CHD2: variants seen among roughly 807,000 people sequenced by gnomAD.
CHD2 encodes chromodomain helicase DNA binding protein 2, also known as ATP-dependent chromatin remodeler CHD2.
CHD2 carries 28 observed loss-of-function variants against 243.9 expected under a neutral mutation model. The ratio of observed to expected loss-of-function variants is 0.11; its 90% confidence interval spans 0.09 to 0.16. The LOEUF (loss-of-function observed/expected upper bound fraction) is 0.16. Among genes scored for constraint, CHD2 ranks in the 10% least tolerant of loss-of-function variants. The probability of loss-of-function intolerance (pLI) is 1.00; values close to 1 mark genes in which losing one functional copy is unlikely to be tolerated. For synonymous variants in CHD2, 775 were observed against 779.0 expected, an observed-to-expected ratio of 0.99 and a Z score of 0.09; for missense variants, 1,386 against 2,209.8, an observed-to-expected ratio of 0.63 and a Z score of 7.47.
chr15:92,951,615 A>C (rs2053555536), intron 13 of CHD2, among the ~76,000 whole-genome samples: 1 of 152,170 alleles, frequency 6.6e-6, no homozygotes, highest in South Asian at 2.1e-4. Flanking sequence ...ATCAATTCAA[A>C]CCTACTGTAG....
Position 92,964,946 on chromosome 15 carries a change from T to C in CHD2, c.2001-2379T>C, listed in dbSNP as rs116874973. Among the ~76,000 whole-genome samples, 97 of 152,330 alleles carry C rather than the reference T, an allele frequency of 6.4e-4. No individual in the cohort carries two copies. The East Asian group carries it at 0.016, about 25-fold the overall frequency. On this transcript the variant is annotated intron_variant, in intron 16 of 38. Coordinates refer to ENST00000394196, the MANE Select transcript of CHD2 (RefSeq NM_001271.4). Reference sequence around the variant, plus strand: ...CAATCTCTTAATTTTTTTTGCACTTTTCCTTTTACATATTTACTGTGTGAC... The same window carrying C: ...CAATCTCTTAATTTTTTTTGCACTTCTCCTTTTACATATTTACTGTGTGAC...
chr15:92,974,750 C>T, intron 19 of CHD2, 129 bp from the exon 20 acceptor site: 3 of 748,976 alleles, frequency 4.0e-6, no homozygotes, highest in Non-Finnish European at 6.7e-6. Context: ...CTTCATAGCG[C>T]TTTGCCAGTG....
At chr15:92,905,512 T>C (rs2052604362) in intron 2 of CHD2, among the ~76,000 whole-genome samples, 1 of 152,220 alleles carries the variant, frequency 6.6e-6, no homozygotes, top group African/African-American at 2.4e-5. Context: ...AGCCATAGTT[T>C]AGAGTTATTT....
chr15:92,952,658 A>C (rs1172241411), intron 13 of CHD2, among the ~76,000 whole-genome samples: 31 of 152,220 alleles, frequency 2.0e-4, no homozygotes, highest in Non-Finnish European at 4.4e-5. Flanking sequence ...CTGAAAATAC[A>C]TATGAAGCTT....
At chr15:93,019,876 T>A (rs2054511089) in intron 37 of CHD2, 136 bp from the exon 38 acceptor site, 21 of 1,029,378 alleles carry the variant, frequency 2.0e-5, no homozygotes, top group Non-Finnish European at 2.8e-5. Context: ...GAGATTGCAG[T>A]GATCTAAGAT....
intron 35 of CHD2, among the ~76,000 whole-genome samples, chr15:93,009,664 A>G (rs2054365898): frequency 6.6e-6 from 1 of 152,258 alleles, no homozygotes; most frequent in East Asian, 1.9e-4. Context: ...TCAGGTTGAT[A>G]TCCAGATATT....
At chr15:92,932,211 A>G (rs748138742) in intron 5 of CHD2, among the ~76,000 whole-genome samples, 3 of 151,532 alleles carry the variant, frequency 2.0e-5, no homozygotes, top group Non-Finnish European at 2.9e-5. Flanking sequence ...AATTAACCCA[A>G]TAAAGTCTTT....
chr15:92,942,039 A>T, intron 8 of CHD2, 84 bp downstream of exon 8: 2 of 1,318,144 alleles, frequency 1.5e-6, no homozygotes, highest in East Asian at 4.7e-5. Context: ...AATGTGATGA[A>T]TTTTAGTCTA....
intron 36 of CHD2, among the ~76,000 whole-genome samples, chr15:93,012,676 G>T (rs1163431892): frequency 1.3e-5 from 2 of 152,192 alleles, no homozygotes; most frequent in Non-Finnish European, 2.9e-5. Flanking sequence ...AAAATCATTT[G>T]TTCACCAGGT....
chr15:92,978,129 C>G, intron 20 of CHD2, 105 bp from the exon 21 acceptor site: 1 of 1,340,150 alleles, frequency 7.5e-7, no homozygotes, highest in Non-Finnish European at 1.1e-6. Flanking sequence ...TCATATCTCA[C>G]TTTTCTTCAC....
intron 19 of CHD2, among the ~76,000 whole-genome samples, chr15:92,973,563 C>T (rs1468330894): frequency 3.3e-5 from 5 of 152,114 alleles, no homozygotes; most frequent in Non-Finnish European, 5.9e-5. Flanking sequence ...TTTCAAAATA[C>T]CCTGAAAGGC....
At chr15:92,982,603 A>G (rs907946630) in intron 24 of CHD2, among the ~76,000 whole-genome samples, 8 of 152,216 alleles carry the variant, frequency 5.3e-5, no homozygotes, top group Admixed American at 2.0e-4. Flanking sequence ...GGTTGATTCC[A>G]TGGAGGTAGA....
intron 34 of CHD2, among the ~76,000 whole-genome samples, chr15:93,008,463 G>T (rs1362311414): frequency 1.3e-5 from 2 of 152,204 alleles, no homozygotes; most frequent in African/African-American, 4.8e-5. Flanking sequence ...TCCTTCTGAA[G>T]ACACCTCGCC....
chr15:92,985,852 T>C (rs971532706), intron 26 of CHD2, among the ~76,000 whole-genome samples, 179 bp downstream of exon 26: 1 of 152,224 alleles, frequency 6.6e-6, no homozygotes, highest in African/African-American at 2.4e-5. Flanking sequence ...AAGGTTTCTT[T>C]CTGTTGAGAT....
intron 4 of CHD2, among the ~76,000 whole-genome samples, 183 bp downstream of exon 4, chr15:92,927,513 C>T (rs1371103849): frequency 6.6e-6 from 1 of 152,118 alleles, no homozygotes; most frequent in African/African-American, 2.4e-5. Context: ...ATAAAAGAAT[C>T]TAACCAGAAA....
chr15:92,934,331 C>G (rs1401695486), intron 5 of CHD2, among the ~76,000 whole-genome samples: 1 of 152,176 alleles, frequency 6.6e-6, no homozygotes, highest in Non-Finnish European at 1.5e-5. Context: ...TTTACATTGC[C>G]TTGGGGCCTC....
At chr15:92,975,488 A>C (rs1737131800) in intron 20 of CHD2, among the ~76,000 whole-genome samples, 1 of 152,180 alleles carries the variant, frequency 6.6e-6, no homozygotes, top group South Asian at 2.1e-4. Flanking sequence ...AAGGTATGAC[A>C]ACATTGTAGT....
chr15:93,020,421 G>A, intron 38 of CHD2, 163 bp downstream of exon 38: 3 of 900,644 alleles, frequency 3.3e-6, no homozygotes, highest in Non-Finnish European at 3.3e-6. Context: ...TAGGTTTTAT[G>A]TTTTGTTTTG....
intron 33 of CHD2, among the ~76,000 whole-genome samples, chr15:93,003,725 TG>T (rs2054286483): frequency 1.3e-5 from 2 of 152,284 alleles, no homozygotes; most frequent in African/African-American, 4.8e-5. Flanking sequence ...TAACCACTAC[TG>T]TGAAGTGGGT....
Sources: gnomAD v4.1 joint callset for allele counts (sites outside exome capture counted in the v4.1 genomes callset) on GRCh38, gnomAD v4.1.1 for gene constraint, MANE v1.5 for transcripts, NCBI Gene and HGNC (gene_info 2026-07-23, HGNC 2026-07-21) for gene names.